The following NDUFV3 variants were observed in gnomAD, a reference collection of about 807,000 sequenced individuals.
NDUFV3 encodes the protein NADH:ubiquinone oxidoreductase subunit V3, also known as NADH dehydrogenase [ubiquinone] flavoprotein 3, mitochondrial.
Under a neutral mutation model 37.5 loss-of-function variants are expected in NDUFV3, and 44 were observed. The ratio of observed to expected loss-of-function variants is 1.17; its 90% CI spans 0.92 to 1.51. The LOEUF (loss-of-function observed/expected upper bound fraction) is 1.51, where lower values mean the gene tolerates loss of function less well. Ranked by LOEUF, NDUFV3 falls within the 40% of genes most tolerant of loss-of-function variation. The pLI is 0.00. For missense variants in NDUFV3, 580 were observed against 580.4 expected, an observed-to-expected ratio of 1.00 and a Z score of 0.01; for synonymous variants, 235 against 239.3, an observed-to-expected ratio of 0.98 and a Z score of 0.17.
At chr21:42,905,464 G>A (rs2058737158) in intron 3 of NDUFV3, among the ~76,000 whole-genome samples, 1 of 152,146 alleles carries the variant, frequency 6.6e-6, no homozygotes. Context: ...AAACACATGT[G>A]GGCTGCTTTA....
chr21:42,899,253 C>A (rs1236353643), intron 2 of NDUFV3, among the ~76,000 whole-genome samples: 1 of 149,648 alleles, frequency 6.7e-6, no homozygotes, highest in African/African-American at 2.5e-5. Context: ...CTAAGCTCAT[C>A]AATACACAGA....
intron 1 of NDUFV3, among the ~76,000 whole-genome samples, chr21:42,894,311 G>A (rs1454297109): frequency 1.4e-5 from 1 of 72,008 alleles, no homozygotes; most frequent in African/African-American, 6.9e-5. Context: ...ATGCGTGTGT[G>A]TATATATATA....
chr21:42,897,339 T>C (rs141752652), intron 2 of NDUFV3, among the ~76,000 whole-genome samples: 1 of 152,350 alleles, frequency 6.6e-6, no homozygotes, highest in African/African-American at 2.4e-5. Context: ...TCTGTGGCAT[T>C]TAGATGGCCC....
Position 42,913,011 on chromosome 21 carries a change from C to T in NDUFV3, c.*3990C>T, listed in dbSNP as rs189267646. 1,009 of 152,224 alleles carry T rather than the reference C, an allele frequency of 6.6e-3. 2 individuals carry two copies. The highest frequency in any genetic ancestry group is 0.01 in the Non-Finnish European group (701 of 68,038). The allele number at this position is 152,224 out of a possible 1,614,324, so 9.4% of individuals were successfully genotyped here. The stretch of plus-strand genomic sequence containing the variant: ...CCCGGGAGGCAGAGCTTGCAGTGAG[C>T]CGAGATTGTGCCACTGCACTCCAGC... On this transcript the variant is annotated 3_prime_UTR_variant, in exon 4 of 4. Transcript: ENST00000354250.
chr21:42,909,449 C>T lies in NDUFV3; in HGVS notation c.*428C>T. On this transcript the variant is annotated 3_prime_UTR_variant, in exon 4 of 4. Transcript: ENST00000354250. Reference sequence around the variant, plus strand: ...GAGCCACTGCGCCCGGCCACTTTCACACTTTTTACAGTGAGTGGTGAATTA... The same window carrying T: ...GAGCCACTGCGCCCGGCCACTTTCATACTTTTTACAGTGAGTGGTGAATTA... 3.9e-6 allele frequency: 1 copy of T among 254,644 alleles called. No individual in the cohort carries two copies. Among genetic ancestry groups the T allele is most frequent in the Non-Finnish European group, 7.8e-6 (1 of 127,748 alleles). The allele number at this position is 254,644 out of a possible 1,614,324, so 15.8% of individuals were successfully genotyped here. A position where few individuals can be genotyped will look rare whatever the true frequency, so the allele number is the denominator to read the frequency against.
At chr21:42,895,016 A>G (rs1308765908) in intron 1 of NDUFV3, among the ~76,000 whole-genome samples, 2 of 152,152 alleles carry the variant, frequency 1.3e-5, no homozygotes, top group African/African-American at 4.8e-5. Flanking sequence ...TAGTGGCCAG[A>G]TAGTATTTCT....
intron 3 of NDUFV3, among the ~76,000 whole-genome samples, chr21:42,904,553 C>T (rs1046995322): frequency 5.5e-5 from 8 of 145,766 alleles, no homozygotes; most frequent in Admixed American, 1.4e-4. Context: ...TGCAGTGGCG[C>T]GATCTCTGCT....
intron 2 of NDUFV3, among the ~76,000 whole-genome samples, chr21:42,899,832 AACC>A (rs2058711570): frequency 7.1e-6 from 1 of 141,120 alleles, no homozygotes. Flanking sequence ...CTCCTGCCTC[AACC>A]TCCCAAAGTT....
rs2058754218 is a variant in NDUFV3 at position 42,908,897 on chromosome 21, A to G, written c.1298A>G (p.Asn433Ser). Residue 433 changes from asparagine to serine, a missense_variant, in exon 4 of 4, where the codon AAC (asparagine) becomes AGC (serine). Coordinates refer to ENST00000354250, the MANE Select transcript of NDUFV3 (RefSeq NM_021075.4). ...PAPVPAEPFD[N>S]TTYKNLQHHD... ...CCAGTGCCTGCTGAGCCGTTTGACA[A>G]CACTACCTACAAGAACCTGCAGCAT... 1.2e-6 allele frequency: 2 copies of G among 1,614,006 alleles called. No homozygotes were observed. Among genetic ancestry groups the G allele is most frequent in the Admixed American group, 1.7e-5 (1 of 59,972 alleles).
At chr21:42,904,958 T>C (rs2058735276) in intron 3 of NDUFV3, among the ~76,000 whole-genome samples, 1 of 151,768 alleles carries the variant, frequency 6.6e-6, no homozygotes, top group Non-Finnish European at 1.5e-5. Flanking sequence ...GTCCAGCTAA[T>C]TTTTGTATTT....
rs2058760197 is a variant in NDUFV3 at position 42,909,545 on chromosome 21, T to G, written c.*524T>G. 5.3e-6 allele frequency: 1 copy of G among 187,344 alleles called. No homozygotes were observed. Among genetic ancestry groups the G allele is most frequent in the Non-Finnish European group, 1.1e-5 (1 of 88,036 alleles). 11.6% of individuals were successfully genotyped at this position (187,344 alleles called of 1,614,324 possible). A position where few individuals can be genotyped will look rare whatever the true frequency, so the allele number is the denominator to read the frequency against. ...TATGTGCAAGGAATTTTTCTTAAAC[T>G]CTAAGGTTATGAATCACTGGGCAAA... On this transcript the variant is annotated 3_prime_UTR_variant, in exon 4 of 4. Coordinates refer to ENST00000354250, the MANE Select transcript of NDUFV3 (RefSeq NM_021075.4).
chr21:42,908,746 CT>C, intron 3 of NDUFV3, 117 bp from the exon 4 acceptor site: 1 of 1,170,066 alleles, frequency 8.5e-7, no homozygotes, highest in Non-Finnish European at 1.3e-6. Context: ...TCATAAAGAG[CT>C]GTTCACAGAT....
chr21:42,894,480 T>TATATA (rs1278970047), intron 1 of NDUFV3, among the ~76,000 whole-genome samples: 8 of 45,454 alleles, frequency 1.8e-4, no homozygotes, highest in African/African-American at 9.4e-4. Flanking sequence ...ATATTATATA[T>TATATA]TTATATATTT....
At chr21:42,901,631 C>A (rs879278179) in intron 2 of NDUFV3, among the ~76,000 whole-genome samples, 2 of 151,578 alleles carry the variant, frequency 1.3e-5, no homozygotes, top group African/African-American at 2.4e-5. Context: ...CGAAATTTTA[C>A]GTATCAAATT....
At chr21:42,908,690 A>AT (rs2058753200) in intron 3 of NDUFV3, among the ~76,000 whole-genome samples, 174 bp from the exon 4 acceptor site, 1 of 148,346 alleles carries the variant, frequency 6.7e-6, no homozygotes, top group Admixed American at 6.6e-5. Context: ...GATAGGGTTG[A>AT]TGAAGAATGC....
At chr21:42,897,833 T>C (rs771043547) in intron 2 of NDUFV3, among the ~76,000 whole-genome samples, 7 of 151,208 alleles carry the variant, frequency 4.6e-5, no homozygotes, top group Non-Finnish European at 7.4e-5. Flanking sequence ...CCCACCACCA[T>C]GCCCAGCTAA....
chr21:42,906,498 A>G (rs1256112179), intron 3 of NDUFV3, among the ~76,000 whole-genome samples: 1 of 152,092 alleles, frequency 6.6e-6, no homozygotes, highest in African/African-American at 2.4e-5. Flanking sequence ...TAGGAACTGC[A>G]TTTCCTGATG....
chr21:42,894,421 TTATATA>T (rs1247205406), intron 1 of NDUFV3, among the ~76,000 whole-genome samples: 2 of 46,802 alleles, frequency 4.3e-5, no homozygotes, highest in African/African-American at 2.3e-4. Flanking sequence ...ATATAATATA[TTATATA>T]AATATATATT....
intron 3 of NDUFV3, 130 bp downstream of exon 3, chr21:42,904,406 C>T (rs1436256916): frequency 1.5e-5 from 19 of 1,264,054 alleles, no homozygotes; most frequent in South Asian, 1.3e-4. Context: ...TGGCCTGTAA[C>T]GCTGTCTCAG....
Sources: allele counts gnomAD v4.1 joint callset (sites outside exome capture counted in the v4.1 genomes callset), GRCh38; gene constraint gnomAD v4.1.1; transcripts MANE v1.5; gene names NCBI Gene and HGNC (gene_info 2026-07-23, HGNC 2026-07-21).